PAPSS2: variants seen among roughly 807,000 people sequenced by gnomAD.
The protein encoded by PAPSS2 is bifunctional 3'-phosphoadenosine 5'-phosphosulfate synthase 2.
A neutral mutation model predicts 66.5 loss-of-function variants in PAPSS2; 61 were observed. The observed-to-expected ratio is 0.92, with a 90% CI of 0.75 to 1.14. PAPSS2 has a LOEUF of 1.14. Ranked by LOEUF, PAPSS2 falls within the 50% of genes most tolerant of loss-of-function variation. The pLI, the probability that PAPSS2 is intolerant of heterozygous loss-of-function variation, is 0.00. For synonymous variants in PAPSS2, 289 were observed against 287.5 expected (o/e 1.01, Z -0.05); for missense variants, 708 against 789.6 (o/e 0.90, Z 1.24).
At chr10:87,712,978 T>G (rs79179821) in intron 2 of PAPSS2, 97 bp from the exon 3 acceptor site, 13 of 705,072 alleles carry the variant, frequency 1.8e-5, no homozygotes, top group African/African-American at 5.6e-5. Flanking sequence ...TTTTTTTTTT[T>G]AAGATTTAGT....
At position 87,706,084 on chromosome 10, in the gene PAPSS2, G is replaced by GTGTA. The variant is rs1459705587; in HGVS notation, c.28-3111_28-3110insGTAT. Among the ~76,000 whole-genome samples, 8 of 60,182 alleles carry GTGTA rather than the reference G, an allele frequency of 1.3e-4. 1 individual carries two copies. Among genetic ancestry groups the GTGTA allele is most frequent in the African/African-American group, 5.5e-4 (6 of 10,908 alleles). 39.5% of individuals were successfully genotyped at this position (60,182 alleles called of 152,430 possible). On this transcript the variant is annotated intron_variant, in intron 1 of 12. Transcript: ENST00000456849. ...AGTGTGCTTTACGTTTCTTCACATGGTATATATATATATATATATATATAT... is the reference window on the plus strand; with the variant it reads ...AGTGTGCTTTACGTTTCTTCACATGGTGTATATATATATATATATATATATATAT...
chr10:87,703,693 C>G (rs1480393034), intron 1 of PAPSS2: 1 of 517,346 alleles, frequency 1.9e-6, no homozygotes, highest in Admixed American at 1.9e-5. Flanking sequence ...GTCTGCTTGA[C>G]TCCAAAATCG....
chr10:87,715,640 C>T, intron 6 of PAPSS2, 92 bp from the exon 7 acceptor site: 2 of 776,002 alleles, frequency 2.6e-6, no homozygotes. Flanking sequence ...CCCTCATCCT[C>T]CTGTTAACTG....
At position 87,743,573 on chromosome 10, in the gene PAPSS2, G is replaced by A. The variant is rs1226435144; in HGVS notation, c.1423G>A (p.Val475Ile). ...GCACGCGGCTGTGCTCGAGGAAGGG[G>A]TCCTGGATCCCAAGTCAACCATTGT... ...KQHAAVLEEG[V>I]LDPKSTIVAI... The change falls in exon 11 of 13, where the codon GTC becomes ATC. Residue 475 changes from valine to isoleucine, a missense_variant. Physicochemically the swap from Val to Ile is conservative, Grantham distance 29. Coordinates refer to ENST00000456849, the MANE Select transcript of PAPSS2 (RefSeq NM_001015880.2). 12 of 1,614,028 alleles carry A rather than the reference G, an allele frequency of 7.4e-6. No individual in the cohort carries two copies. Among genetic ancestry groups the A allele is most frequent in the African/African-American group, 2.7e-5 (2 of 74,916 alleles).
chr10:87,745,996 G>A lies in PAPSS2; in HGVS notation c.*26G>A, dbSNP rs754632246. 5.6e-6 allele frequency: 9 copies of A among 1,610,430 alleles called. No individual in the cohort carries two copies. Among genetic ancestry groups the A allele is most frequent in the Non-Finnish European group, 6.8e-6 (8 of 1,176,858 alleles). On this transcript the variant is annotated 3_prime_UTR_variant, in exon 13 of 13. Coordinates refer to ENST00000456849, the MANE Select transcript of PAPSS2 (RefSeq NM_001015880.2). ...GCCTTTGGCTCCAGAGTTTCTTTCT[G>A]AAGTGCTCTTTGATTACCTTTTCTA...
intron 1 of PAPSS2, among the ~76,000 whole-genome samples, chr10:87,699,445 G>A (rs1853275225): frequency 6.6e-6 from 1 of 152,188 alleles, no homozygotes; most frequent in Admixed American, 6.5e-5. Context: ...GCCATCCCTG[G>A]CTAATAGTAT....
intron 9 of PAPSS2, among the ~76,000 whole-genome samples, chr10:87,729,704 G>T (rs775377457): frequency 3.9e-5 from 6 of 152,158 alleles, no homozygotes; most frequent in Non-Finnish European, 8.8e-5. Context: ...CATGTAGAAA[G>T]CTGAAATTGG....
intron 1 of PAPSS2, among the ~76,000 whole-genome samples, chr10:87,687,532 A>G (rs1056963377): frequency 1.3e-5 from 2 of 152,224 alleles, no homozygotes; most frequent in Non-Finnish European, 1.5e-5. Flanking sequence ...AGATGACCGC[A>G]TAGAAATAGA....
At chr10:87,677,189 A>G (rs1350398588) in intron 1 of PAPSS2, among the ~76,000 whole-genome samples, 1 of 152,174 alleles carries the variant, frequency 6.6e-6, no homozygotes, top group Admixed American at 6.6e-5. Context: ...GCGAGACTCC[A>G]TCTCAAAAAA....
chr10:87,723,072 G>A (rs895398502), intron 8 of PAPSS2, among the ~76,000 whole-genome samples: 1 of 152,154 alleles, frequency 6.6e-6, no homozygotes, highest in African/African-American at 2.4e-5. Context: ...TTGATGGAAG[G>A]CAACGTTACA....
chr10:87,706,104 ATATATGTGTGTG>A (rs1178684180), intron 1 of PAPSS2, among the ~76,000 whole-genome samples: 2 of 78,084 alleles, frequency 2.6e-5, no homozygotes, highest in African/African-American at 1.7e-4. Context: ...ATATATATAT[ATATATGTGTGTG>A]TGTGTGTGTG....
chr10:87,689,981 A>G (rs888782193), intron 1 of PAPSS2, among the ~76,000 whole-genome samples: 3 of 152,226 alleles, frequency 2.0e-5, no homozygotes, highest in Admixed American at 1.3e-4. Flanking sequence ...TGAAACTCCC[A>G]TCCATCGCTG....
intron 8 of PAPSS2, among the ~76,000 whole-genome samples, chr10:87,722,446 G>C (rs565458327): frequency 6.6e-6 from 1 of 152,284 alleles, no homozygotes; most frequent in African/African-American, 2.4e-5. Context: ...TTTAGGTTTT[G>C]CACAGAAACA....
chr10:87,695,723 A>G (rs999484596), intron 1 of PAPSS2, among the ~76,000 whole-genome samples: 1 of 152,230 alleles, frequency 6.6e-6, no homozygotes, highest in Non-Finnish European at 1.5e-5. Flanking sequence ...GTGCGGATAC[A>G]TAATTAGATC....
At chr10:87,740,323 ATG>A (rs551824795) in intron 9 of PAPSS2, among the ~76,000 whole-genome samples, 4 of 147,734 alleles carry the variant, frequency 2.7e-5, no homozygotes, top group African/African-American at 5.1e-5. Flanking sequence ...ATATTAACAC[ATG>A]TGTGTGTTTA....
chr10:87,675,193 G>A (rs1852929733), intron 1 of PAPSS2, among the ~76,000 whole-genome samples: 2 of 152,168 alleles, frequency 1.3e-5, no homozygotes, highest in African/African-American at 4.8e-5. Flanking sequence ...AGCACTGGCT[G>A]TTATCATTTA....
intron 7 of PAPSS2, among the ~76,000 whole-genome samples, chr10:87,720,749 A>T (rs1853583046): frequency 6.6e-6 from 1 of 152,234 alleles, no homozygotes; most frequent in African/African-American, 2.4e-5. Flanking sequence ...AAGCCAAAAA[A>T]AAACCCCAAA....
intron 6 of PAPSS2, 23 bp from the exon 7 acceptor site, chr10:87,715,709 C>G: frequency 1.4e-6 from 2 of 1,469,782 alleles, no homozygotes; most frequent in Non-Finnish European, 1.9e-6. Flanking sequence ...TGAAAATGTT[C>G]AACTACTTTT....
chr10:87,727,564 T>G (rs1454905922), intron 9 of PAPSS2, 75 bp downstream of exon 9: 1 of 1,251,938 alleles, frequency 8.0e-7, no homozygotes, highest in Non-Finnish European at 1.1e-6. Context: ...TTTTAATTCC[T>G]TTGCAAAGGA....
Sources: gnomAD v4.1 joint callset for allele counts (sites outside exome capture counted in the v4.1 genomes callset) on GRCh38, gnomAD v4.1.1 for gene constraint, MANE v1.5 for transcripts, NCBI Gene and HGNC (gene_info 2026-07-23, HGNC 2026-07-21) for gene names.